The following MYT1L variants were observed in gnomAD, a reference collection of about 807,000 sequenced individuals.
MYT1L encodes myelin transcription factor 1-like protein.
In MYT1L, 12 loss-of-function variants were observed where a neutral mutation model predicts 126.7. The ratio of observed to expected loss-of-function variants is 0.09; its 90% CI spans 0.06 to 0.15. The LOEUF (loss-of-function observed/expected upper bound fraction) is 0.15, where lower values mean the gene tolerates loss of function less well. Among genes scored for constraint, MYT1L ranks in the 10% least tolerant of loss-of-function variants. The probability of loss-of-function intolerance (pLI) is 1.00; values close to 1 mark genes in which losing one functional copy is unlikely to be tolerated. For missense variants in MYT1L, 979 were observed against 1,585.2 expected (o/e 0.62, Z 6.49); for synonymous variants, 541 against 604.2 (o/e 0.90, Z 1.53).
chr2:1,956,325 G>T (rs2058382781), intron 8 of MYT1L, among the ~76,000 whole-genome samples: 1 of 132,254 alleles, frequency 7.6e-6, no homozygotes, highest in Non-Finnish European at 1.6e-5. Context: ...TATTCTATGT[G>T]TCCTATTCTA....
At chr2:1,980,299 A>T (rs1484752461) in intron 5 of MYT1L, among the ~76,000 whole-genome samples, 1 of 146,236 alleles carries the variant, frequency 6.8e-6, no homozygotes, top group Non-Finnish European at 1.5e-5. Context: ...TATATAATAT[A>T]TAGTTTATAT....
intron 3 of MYT1L, among the ~76,000 whole-genome samples, chr2:2,115,817 C>T (rs1575270948): frequency 1.3e-5 from 2 of 151,790 alleles, no homozygotes; most frequent in South Asian, 2.1e-4. Flanking sequence ...GGATGCACCA[C>T]GTCCAGTCGA....
At chr2:2,055,408 A>C (rs2150113155) in intron 3 of MYT1L, among the ~76,000 whole-genome samples, 1 of 152,340 alleles carries the variant, frequency 6.6e-6, no homozygotes, top group South Asian at 2.1e-4. Flanking sequence ...AATAATTTAA[A>C]ATTTTTTATT....
At chr2:2,181,742 G>C (rs2091557538) in intron 2 of MYT1L, among the ~76,000 whole-genome samples, 1 of 152,144 alleles carries the variant, frequency 6.6e-6, no homozygotes, top group African/African-American at 2.4e-5. Context: ...CCACAGGAGG[G>C]TGCATGCCGA....
intron 21 of MYT1L, chr2:1,827,741 G>A (rs1174722876): frequency 6.6e-6 from 1 of 152,166 alleles, no homozygotes; most frequent in Non-Finnish European, 1.5e-5. Flanking sequence ...GCCAGTCCTT[G>A]TCCATGACAG....
chr2:2,145,019 T>C (rs759405407), intron 3 of MYT1L, among the ~76,000 whole-genome samples: 40 of 152,258 alleles, frequency 2.6e-4, no homozygotes, highest in Non-Finnish European at 4.6e-4. Context: ...TATCTTAATA[T>C]TTGCTTTGTT....
At chr2:2,123,178 G>A (rs1023942983) in intron 3 of MYT1L, among the ~76,000 whole-genome samples, 1 of 152,138 alleles carries the variant, frequency 6.6e-6, no homozygotes, top group Non-Finnish European at 1.5e-5. Context: ...GGGTTACCCT[G>A]TTTTTCTGTA....
rs866597172 is a variant in MYT1L at position 1,929,406 on chromosome 2, C to G, written c.506-6143G>C. Among the ~76,000 whole-genome samples the G allele has an allele frequency of 6.6e-6, 1 of 152,144 alleles. No individual in the cohort carries two copies. Among genetic ancestry groups the G allele is most frequent in the African/African-American group, 2.4e-5 (1 of 41,456 alleles). ...CCCTCTAACTCAGAGCCCTGCAGTT[C>G]AACGCAGGTGAAAGGGGAACATGGA... On this transcript the variant is annotated intron_variant, in intron 9 of 24. Coordinates refer to ENST00000647738, the MANE Select transcript of MYT1L (RefSeq NM_001303052.2). The surrounding 1 kb of genome is among the most constrained non-coding windows in gnomAD (Gnocchi z 4.7).
chr2:2,323,281 T>C lies in MYT1L; in HGVS notation c.-521+7686A>G, dbSNP rs144545572. ...GTATTTTCTGTCAAATATTCACTGTTATTGTTTAAAGCAAACAGCTAAAGT... is the reference window on the plus strand; with the variant it reads ...GTATTTTCTGTCAAATATTCACTGTCATTGTTTAAAGCAAACAGCTAAAGT... On this transcript the variant is annotated intron_variant, in intron 1 of 24. Coordinates refer to ENST00000647738, the MANE Select transcript of MYT1L (RefSeq NM_001303052.2). 6.1e-4 allele frequency among the ~76,000 whole-genome samples: 93 copies of C among 152,296 alleles called. No individual in the cohort carries two copies. The East Asian group carries it at 0.012, about 19-fold the overall frequency.
intron 4 of MYT1L, among the ~76,000 whole-genome samples, chr2:2,007,791 G>A (rs1323524874): frequency 6.6e-6 from 1 of 152,136 alleles, no homozygotes; most frequent in Non-Finnish European, 1.5e-5. Flanking sequence ...TCCAGCCAAT[G>A]CCATTTTGCC....
rs2090270410 is a variant in MYT1L at position 2,172,926 on chromosome 2, T to C, written c.-358A>G. 2 of 152,284 alleles carry C rather than the reference T, an allele frequency of 1.3e-5. No homozygotes were observed. The highest frequency in any genetic ancestry group is 2.4e-5 in the African/African-American group (1 of 41,448). 9.4% of individuals were successfully genotyped at this position (152,284 alleles called of 1,614,324 possible). A position where few individuals can be genotyped will look rare whatever the true frequency, so the allele number is the denominator to read the frequency against. On this transcript the variant is annotated 5_prime_UTR_variant, in exon 3 of 25. Transcript: ENST00000647738. ...CTCAGGACCTGATATTCTTCCGCCG[T>C]CGACCAGGGTTTGAAGATGCCCACT...
At chr2:2,246,228 T>C (rs1354392206) in intron 2 of MYT1L, among the ~76,000 whole-genome samples, 3 of 151,980 alleles carry the variant, frequency 2.0e-5, no homozygotes, top group Non-Finnish European at 4.4e-5. Context: ...TAGTAGGTTC[T>C]GTGAAATACA....
chr2:2,181,290 CTGTG>C (rs1192856113), intron 2 of MYT1L, among the ~76,000 whole-genome samples: 19 of 152,140 alleles, frequency 1.2e-4, no homozygotes, highest in Admixed American at 1.2e-3. Flanking sequence ...GTGCGTGCAC[CTGTG>C]TGTGTACCTA....
At chr2:1,965,447 G>A (rs1278295412) in intron 8 of MYT1L, among the ~76,000 whole-genome samples, 1 of 148,386 alleles carries the variant, frequency 6.7e-6, no homozygotes, top group Non-Finnish European at 1.5e-5. Context: ...GGGAAGAGGA[G>A]GACTCAGACT....
intron 2 of MYT1L, among the ~76,000 whole-genome samples, chr2:2,244,282 T>C (rs554736105): frequency 2.4e-4 from 36 of 152,286 alleles, no homozygotes; most frequent in African/African-American, 8.2e-4. Context: ...TCAATGTGGG[T>C]TTTTGTTTGT....
At chr2:2,129,710 T>C (rs796790431) in intron 3 of MYT1L, among the ~76,000 whole-genome samples, 179 of 152,220 alleles carry the variant, frequency 1.2e-3, no homozygotes, top group African/African-American at 4.0e-3. Context: ...ATCGAGACCA[T>C]CCTGGCTAAC....
intron 3 of MYT1L, among the ~76,000 whole-genome samples, chr2:2,125,752 A>G (rs1221756589): frequency 2.0e-5 from 3 of 152,242 alleles, no homozygotes; most frequent in Non-Finnish European, 4.4e-5. Context: ...CCATAGGAAA[A>G]AAAATGAAAG....
intron 3 of MYT1L, among the ~76,000 whole-genome samples, chr2:2,068,581 AATAAAC>A (rs1166723347): frequency 1.1e-4 from 16 of 152,188 alleles, no homozygotes. Context: ...TCACTTTGTA[AATAAAC>A]ATATTGCTAA....
At chr2:1,992,737 C>T (rs1462138822) in intron 5 of MYT1L, among the ~76,000 whole-genome samples, 2 of 152,196 alleles carry the variant, frequency 1.3e-5, no homozygotes, top group Non-Finnish European at 2.9e-5. Context: ...ATGATAACGG[C>T]CCTTTCCCAA....
Sources: allele counts gnomAD v4.1 joint callset (sites outside exome capture counted in the v4.1 genomes callset), GRCh38; gene constraint gnomAD v4.1.1; non-coding constraint Gnocchi (gnomAD v3.1); transcripts MANE v1.5; gene names NCBI Gene and HGNC (gene_info 2026-07-23, HGNC 2026-07-21).